The following PFKFB2 variants were observed in gnomAD, a reference collection of about 807,000 sequenced individuals.
PFKFB2 encodes 6-phosphofructo-2-kinase/fructose-2,6-biphosphatase 2.
In PFKFB2, 53 loss-of-function variants were observed where a neutral mutation model predicts 68.0. The observed-to-expected ratio is 0.78, with a 90% CI of 0.63 to 0.98. The LOEUF (loss-of-function observed/expected upper bound fraction) is 0.98, where lower values mean the gene tolerates loss of function less well. Among genes scored for constraint, PFKFB2 ranks in the 50% least tolerant of loss-of-function variants. The pLI is 0.00. For missense variants in PFKFB2, 451 were observed against 642.0 expected (o/e 0.70, Z 3.22); for synonymous variants, 222 against 227.6 (o/e 0.98, Z 0.22).
rs1481178441 is a variant in PFKFB2, at chr1:207,073,822, G to A, written c.*1451G>A. 3.0e-6 allele frequency: 3 copies of A among 985,234 alleles called. No individual in the cohort carries two copies. In the African/African-American group the frequency reaches 5.2e-5, roughly 17 times the overall value. 61.0% of individuals were successfully genotyped at this position (985,234 alleles called of 1,614,324 possible). ...TCCCAATTTTGCATGCAAAATGTAC[G>A]AATATATGTATGTTTTTCTGAGAGG... is the stretch of plus-strand genomic sequence containing the variant. On this transcript the variant is annotated 3_prime_UTR_variant, in exon 15 of 15. Transcript: ENST00000367080.
intron 14 of PFKFB2, 100 bp from the exon 15 acceptor site, chr1:207,072,104 A>C: frequency 1.3e-6 from 2 of 1,538,414 alleles, no homozygotes; most frequent in Non-Finnish European, 1.8e-6. Flanking sequence ...GAGGAGCAGG[A>C]GTGAGGGAAG....
In PFKFB2 at chr1:207,076,408, A is replaced by T. The variant is rs1437424345; in HGVS notation, c.*4037A>T. 6 of 985,180 alleles carry T rather than the reference A, an allele frequency of 6.1e-6. No individual in the cohort carries two copies. Among genetic ancestry groups the T allele is most frequent in the Non-Finnish European group, 7.2e-6 (6 of 829,834 alleles). The allele number at this position is 985,180 out of a possible 1,614,324, so 61.0% of individuals were successfully genotyped here. A position where few individuals can be genotyped will look rare whatever the true frequency, so the allele number is the denominator to read the frequency against. On this transcript the variant is annotated 3_prime_UTR_variant, in exon 15 of 15. Transcript: ENST00000367080. The stretch of plus-strand genomic sequence containing the variant: ...ACATTCCATTGTCTTTGCCAAGCCC[A>T]GAAGCCATGTTGTGTTCATTGTTAA...
upstream of PFKFB2, chr1:207,049,698 G>A (rs776563979): frequency 1.5e-5 from 24 of 1,613,780 alleles, no homozygotes; most frequent in Non-Finnish European, 1.9e-5. Flanking sequence ...GCCTGGTTTG[G>A]TCTTCTTCAA....
Position 207,067,651 on chromosome 1 carries a change from T to A in PFKFB2, c.785T>A (p.Phe262Tyr). Residue 262 changes from phenylalanine (F) to tyrosine (Y), a missense_variant, in exon 9 of 15, where the codon TTC becomes TAC. Coordinates refer to ENST00000367080, the MANE Select transcript of PFKFB2 (RefSeq NM_006212.2). ...IYLCRHGESE[F>Y]NLLGKIGGDS... is the part of the protein sequence containing the mutation. ...CTTTGCCGGCATGGAGAAAGCGAGT[T>A]CAATCTCTTGGGGAAGATTGGGGGT... The A allele has an allele frequency of 6.2e-7, 1 of 1,613,788 alleles. No individual in the cohort carries two copies.
Position 207,074,880 on chromosome 1 carries a change from A to G in PFKFB2, c.*2509A>G, listed in dbSNP as rs987355367. On this transcript the variant is annotated 3_prime_UTR_variant, in exon 15 of 15. Coordinates refer to ENST00000367080, the MANE Select transcript of PFKFB2 (RefSeq NM_006212.2). Reference sequence around the variant, plus strand: ...ACTTTTCTGTTGTCCTATGGCTATGAGACTACAGGGGTTGGGGGATGGGGA... The same window carrying G: ...ACTTTTCTGTTGTCCTATGGCTATGGGACTACAGGGGTTGGGGGATGGGGA... 8 of 985,338 alleles carry G rather than the reference A, an allele frequency of 8.1e-6. No homozygotes were observed. The highest frequency in any genetic ancestry group is 1.7e-5 in the African/African-American group (1 of 57,242). The allele number at this position is 985,338 out of a possible 1,614,324, so 61.0% of individuals were successfully genotyped here. A position where few individuals can be genotyped will look rare whatever the true frequency, so the allele number is the denominator to read the frequency against.
intron 1 of PFKFB2, among the ~76,000 whole-genome samples, chr1:207,040,445 G>C (rs1469300196): frequency 6.6e-6 from 1 of 152,174 alleles, no homozygotes; most frequent in Non-Finnish European, 1.5e-5. Flanking sequence ...TAGGTCAGAA[G>C]GGCAGAGAAG....
At position 207,076,210 on chromosome 1, in the gene PFKFB2, A is replaced by G. The variant is rs1445787915; in HGVS notation, c.*3839A>G. 2 of 975,000 alleles carry G rather than the reference A, an allele frequency of 2.1e-6. No homozygotes were observed. Among genetic ancestry groups the G allele is most frequent in the African/African-American group, 3.5e-5 (2 of 56,698 alleles). 60.4% of individuals were successfully genotyped at this position (975,000 alleles called of 1,614,324 possible). A position where few individuals can be genotyped will look rare whatever the true frequency, so the allele number is the denominator to read the frequency against. ...CTGGCATTTTGAAGAAACATATGAT[A>G]TAGCTGTTTGGAAATAAATTCATCT... On this transcript the variant is annotated 3_prime_UTR_variant, in exon 15 of 15. Coordinates refer to ENST00000367080, the MANE Select transcript of PFKFB2 (RefSeq NM_006212.2).
chr1:207,068,095 A>AGTGTGGGT, intron 9 of PFKFB2, 68 bp from the exon 10 acceptor site: 1 of 1,093,578 alleles, frequency 9.1e-7, no homozygotes, highest in Non-Finnish European at 1.3e-6. Flanking sequence ...GTGTGTGTTG[A>AGTGTGGGT]GTGTGTGTGT....
intron 8 of PFKFB2, among the ~76,000 whole-genome samples, chr1:207,066,375 A>G (rs1223327157): frequency 6.6e-6 from 1 of 152,244 alleles, no homozygotes; most frequent in Non-Finnish European, 1.5e-5. Context: ...TTTAATGTGC[A>G]TGGCACACTT....
In PFKFB2 at chr1:207,063,891, GTGTGT is replaced by G. The variant is rs1257149935; in HGVS notation, c.507+63_507+67del. The G allele has an allele frequency of 7.7e-6, 6 of 774,236 alleles. No homozygotes were observed. Among genetic ancestry groups the G allele is most frequent in the Non-Finnish European group, 1.3e-5 (6 of 477,456 alleles). 48.0% of individuals were successfully genotyped at this position (774,236 alleles called of 1,614,324 possible). ...TTTTGTGCTGTGTGTGTTGTGGGGT[GTGTGT>G]GTGTGTGTGTGTGTGTGTGTTGTTG... On this transcript the variant is annotated intron_variant, in intron 7 of 14. Coordinates refer to ENST00000367080, the MANE Select transcript of PFKFB2 (RefSeq NM_006212.2). This position sits in a 1 kb window ranked among gnomAD's most constrained non-coding sequence, Gnocchi z 4.1.
At chr1:207,035,675 A>AAC (rs1553249031) in intron 1 of PFKFB2, among the ~76,000 whole-genome samples, 2 of 135,820 alleles carry the variant, frequency 1.5e-5, no homozygotes, top group African/African-American at 7.0e-5. Flanking sequence ...ACAAACAAAC[A>AAC]AAAAAAACAA....
upstream of PFKFB2, chr1:207,050,961 G>T (rs780009774): frequency 8.1e-5 from 126 of 1,555,960 alleles, no homozygotes; most frequent in Non-Finnish European, 9.8e-5. Flanking sequence ...GCAGCCTGTT[G>T]GGAGACGCCG....
intron 2 of PFKFB2, among the ~76,000 whole-genome samples, chr1:207,057,315 A>C (rs1158902674): frequency 2.0e-5 from 3 of 148,148 alleles, no homozygotes; most frequent in South Asian, 2.1e-4. Flanking sequence ...AAAAAAAAAA[A>C]AAAAAAAAAA....
chr1:207,078,831 A>C, downstream of PFKFB2: 1 of 767,366 alleles, frequency 1.3e-6, no homozygotes, highest in Non-Finnish European at 2.3e-6. Context: ...ATGCATGTGT[A>C]TGGATGTGGG....
intron 2 of PFKFB2, among the ~76,000 whole-genome samples, chr1:207,043,672 G>A (rs551978391): frequency 1.1e-4 from 16 of 152,100 alleles, no homozygotes; most frequent in Non-Finnish European, 2.4e-4. Flanking sequence ...TCAACCTTTC[G>A]TTAAGGAGAA....
At chr1:207,049,534 C>T (rs200080448), upstream of PFKFB2, 1 of 1,614,172 alleles carries the variant, frequency 6.2e-7, no homozygotes, top group Non-Finnish European at 8.5e-7. Flanking sequence ...CTCAGGGGCA[C>T]AAGCTGGATT....
upstream of PFKFB2, chr1:207,049,405 C>G (rs746259721): frequency 6.2e-7 from 1 of 1,614,112 alleles, no homozygotes; most frequent in South Asian, 1.1e-5. Flanking sequence ...CTCTATTGCT[C>G]CTCCCCAAGT....
rs1169009504 is a variant in PFKFB2, at chr1:207,063,936, C to T, written c.507+107C>T. On this transcript the variant is annotated intron_variant, in intron 7 of 14. Transcript: ENST00000367080. The surrounding 1 kb of genome is among the most constrained non-coding windows in gnomAD (Gnocchi z 4.1). ...GTGTGTTGTTGGGGAGGGGTGTTTT[C>T]GTAATGAAAGAGAGAAATAGACATG... The T allele has an allele frequency of 1.7e-5, 11 of 665,224 alleles. No homozygotes were observed. Among genetic ancestry groups the T allele is most frequent in the Non-Finnish European group, 2.1e-5 (8 of 375,904 alleles). 41.2% of individuals were successfully genotyped at this position (665,224 alleles called of 1,614,324 possible).
intron 2 of PFKFB2, 136 bp downstream of exon 2, chr1:207,054,938 G>C: frequency 1.5e-6 from 1 of 651,318 alleles, no homozygotes. Flanking sequence ...AAAGTCTCCA[G>C]GGTAGAATGT....
Sources: gnomAD v4.1 joint callset for allele counts (sites outside exome capture counted in the v4.1 genomes callset) on GRCh38, gnomAD v4.1.1 for gene constraint, Gnocchi (gnomAD v3.1) non-coding constraint, MANE v1.5 for transcripts, NCBI Gene and HGNC (gene_info 2026-07-23, HGNC 2026-07-21) for gene names.